CORIN: variants seen among roughly 807,000 people sequenced by gnomAD.
The protein encoded by CORIN is corin, serine peptidase.
In CORIN, 117 loss-of-function variants were observed where a neutral mutation model predicts 125.3. The ratio of observed to expected loss-of-function variants is 0.93; its 90% CI spans 0.80 to 1.09. The LOEUF (loss-of-function observed/expected upper bound fraction) is 1.09. Among genes scored for constraint, CORIN ranks in the 50% least tolerant of loss-of-function variants. The pLI is 0.00. For missense variants in CORIN, 1,253 were observed against 1,306.7 expected, an observed-to-expected ratio of 0.96 and a Z score of 0.63; for synonymous variants, 450 against 466.4, an observed-to-expected ratio of 0.96 and a Z score of 0.45.
At chr4:47,707,743 T>C (rs187979875) in intron 5 of CORIN, among the ~76,000 whole-genome samples, 2 of 152,274 alleles carry the variant, frequency 1.3e-5, no homozygotes, top group East Asian at 3.9e-4. Context: ...AATGGGGCCC[T>C]GGTGAGAATA....
Position 47,626,487 on chromosome 4 carries a change from C to G in CORIN, c.2233G>C (p.Glu745Gln). The change falls in exon 17 of 22, where the codon GAG (glutamate) becomes CAG (glutamine). Residue 745 changes from glutamate (E) to glutamine (Q), a missense_variant. Glu to Gln is a conservative substitution (Grantham distance 29, BLOSUM62 2). Transcript: ENST00000273857. The part of the protein sequence containing the change: ...PSVTKLIQEQ[E>Q]KEPRWLTLHS... The stretch of plus-strand genomic sequence containing the variant: ...AATGTCAGCCACCGCGGCTCTTTCT[C>G]CTGTTCCTGTATCAATTTGGTCACA... The G allele has an allele frequency of 1.9e-6, 3 of 1,613,946 alleles. No individual in the cohort carries two copies. Among genetic ancestry groups the G allele is most frequent in the Non-Finnish European group, 2.5e-6 (3 of 1,179,854 alleles).
chr4:47,726,866 T>G (rs1168935819), intron 5 of CORIN, among the ~76,000 whole-genome samples: 1 of 152,030 alleles, frequency 6.6e-6, no homozygotes, highest in African/African-American at 2.4e-5. Flanking sequence ...TTAAAGCATG[T>G]AATAATATAA....
intron 14 of CORIN, 51 bp downstream of exon 14, chr4:47,645,030 C>T (rs375575410): frequency 4.1e-6 from 4 of 977,986 alleles, no homozygotes; most frequent in Admixed American, 1.9e-5. Flanking sequence ...TGAGACTTAA[C>T]TGGTGTTTAA....
chr4:47,658,723 A>G (rs1047159836), intron 12 of CORIN, among the ~76,000 whole-genome samples: 1 of 152,220 alleles, frequency 6.6e-6, no homozygotes, highest in African/African-American at 2.4e-5. Flanking sequence ...AATGCCTTCA[A>G]GGCATTTTTC....
At chr4:47,628,292 C>T (rs1000779410) in intron 16 of CORIN, among the ~76,000 whole-genome samples, 2 of 151,970 alleles carry the variant, frequency 1.3e-5, no homozygotes, top group Admixed American at 1.3e-4. Flanking sequence ...ATTTCCCTTT[C>T]TTTTTTTTCC....
At chr4:47,699,806 T>G (rs1386105684) in intron 5 of CORIN, among the ~76,000 whole-genome samples, 1 of 152,238 alleles carries the variant, frequency 6.6e-6, no homozygotes, top group Non-Finnish European at 1.5e-5. Flanking sequence ...CAGACACATC[T>G]GGTTTATGAG....
At position 47,786,822 on chromosome 4, in the gene CORIN, G is replaced by C; in HGVS notation, c.312C>G (p.Asn104Lys). The stretch of plus-strand genomic sequence containing the variant: ...GTGCAGTAGACACCACAGTGCTCTG[G>C]TTATAAATTGTATTTGTAAGAATAA... ...SDVILTNTIY[N>K]QSTVVSTAHP... Residue 104 changes from asparagine (N) to lysine (K), a missense_variant, in exon 3 of 22, where the codon AAC becomes AAG. By Grantham distance (94) the Asn-to-Lys change is moderately conservative. Transcript: ENST00000273857. The C allele has an allele frequency of 6.2e-7, 1 of 1,613,906 alleles. No homozygotes were observed.
At chr4:47,663,521 A>G (rs1462317321) in intron 11 of CORIN, among the ~76,000 whole-genome samples, 4 of 152,166 alleles carry the variant, frequency 2.6e-5, no homozygotes, top group Non-Finnish European at 5.9e-5. Context: ...TCTAAAAGAA[A>G]TTTACCAAAA....
chr4:47,607,129 T>G (rs955341122), intron 19 of CORIN, among the ~76,000 whole-genome samples: 4 of 152,188 alleles, frequency 2.6e-5, no homozygotes, highest in African/African-American at 7.2e-5. Context: ...GAACATTAAT[T>G]TGTACCCAGT....
Position 47,804,996 on chromosome 4 carries a change from C to T in CORIN, c.208+1907G>A, listed in dbSNP as rs775001519. On this transcript the variant is annotated intron_variant, in intron 2 of 21. Transcript: ENST00000273857. Reference sequence around the variant, plus strand: ...CTAAAAATACAAAAGAATAGCCGGGCGTGGTGGCGGGCGCCTGTAGTCCCA... The same window carrying T: ...CTAAAAATACAAAAGAATAGCCGGGTGTGGTGGCGGGCGCCTGTAGTCCCA... 2.4e-3 allele frequency among the ~76,000 whole-genome samples: 365 copies of T among 151,180 alleles called. 4 individuals carry two copies. Among genetic ancestry groups the T allele is most frequent in the Non-Finnish European group, 2.4e-3 (164 of 67,724 alleles).
intron 19 of CORIN, among the ~76,000 whole-genome samples, chr4:47,623,119 C>T (rs12331495): frequency 0.21 from 22,708 of 108,588 alleles, 1,967 homozygotes; most frequent in Admixed American, 0.27. Context: ...TATATATATA[C>T]ACACACACAC....
At chr4:47,713,675 C>T (rs58273671) in intron 5 of CORIN, among the ~76,000 whole-genome samples, 6 of 152,170 alleles carry the variant, frequency 3.9e-5, no homozygotes, top group African/African-American at 1.4e-4. Context: ...CACAGCAGTC[C>T]CGATCTCTAC....
chr4:47,663,768 T>G (rs1411847839), intron 11 of CORIN, among the ~76,000 whole-genome samples: 1 of 152,186 alleles, frequency 6.6e-6, no homozygotes, highest in Non-Finnish European at 1.5e-5. Context: ...AAAAGTGAAG[T>G]AAGATTTAAA....
intron 2 of CORIN, among the ~76,000 whole-genome samples, chr4:47,806,430 G>A (rs984615521): frequency 4.6e-5 from 7 of 152,212 alleles, no homozygotes; most frequent in Non-Finnish European, 1.0e-4. Context: ...TCTGCCAAAT[G>A]TGACTCCTGA....
chr4:47,831,842 G>A (rs1733023042), intron 1 of CORIN, among the ~76,000 whole-genome samples: 1 of 151,914 alleles, frequency 6.6e-6, no homozygotes, highest in African/African-American at 2.4e-5. Context: ...CTGGATTAGG[G>A]TGAAGCCTAA....
chr4:47,767,817 T>A (rs1406997858), intron 3 of CORIN, among the ~76,000 whole-genome samples: 1 of 152,174 alleles, frequency 6.6e-6, no homozygotes, highest in East Asian at 1.9e-4. Context: ...ACAAATTAGA[T>A]AACCTAGAAG....
chr4:47,707,090 T>C (rs1726605614), intron 5 of CORIN: 19 of 1,419,454 alleles, frequency 1.3e-5, no homozygotes, highest in Non-Finnish European at 1.7e-5. Flanking sequence ...CAGATGTTTC[T>C]TGAATGCTTT....
chr4:47,616,474 G>A (rs1486765052), intron 19 of CORIN, among the ~76,000 whole-genome samples: 1 of 152,070 alleles, frequency 6.6e-6, no homozygotes, highest in Non-Finnish European at 1.5e-5. Context: ...GAGAAAAAGA[G>A]TTAGTCTCTG....
intron 5 of CORIN, among the ~76,000 whole-genome samples, chr4:47,704,717 C>T (rs1726468840): frequency 6.6e-6 from 1 of 152,094 alleles, no homozygotes; most frequent in Non-Finnish European, 1.5e-5. Context: ...TCTAAAAACA[C>T]GCTATCGATC....
Sources: allele counts gnomAD v4.1 joint callset (sites outside exome capture counted in the v4.1 genomes callset), GRCh38; gene constraint gnomAD v4.1.1; transcripts MANE v1.5; gene names NCBI Gene and HGNC (gene_info 2026-07-23, HGNC 2026-07-21).